The following ARHGAP28 variants were observed in gnomAD, a reference collection of about 807,000 sequenced individuals.
ARHGAP28 encodes rho GTPase-activating protein 28.
ARHGAP28 carries 56 observed loss-of-function variants against 90.7 expected under a neutral mutation model. The ratio of observed to expected loss-of-function variants is 0.62; its 90% confidence interval spans 0.50 to 0.77. The LOEUF (loss-of-function observed/expected upper bound fraction) is 0.77, where lower values mean the gene tolerates loss of function less well. Ranked by LOEUF, ARHGAP28 falls within the 30% of genes least tolerant of loss-of-function variation. The probability of loss-of-function intolerance (pLI) is 0.00; values close to 1 mark genes in which losing one functional copy is unlikely to be tolerated. For missense variants in ARHGAP28, 869 were observed against 900.9 expected (o/e 0.96, Z 0.45); for synonymous variants, 308 against 323.3 (o/e 0.95, Z 0.51).
chr18:6,875,212 T>C (rs190921993), intron 9 of ARHGAP28, among the ~76,000 whole-genome samples: 139 of 152,346 alleles, frequency 9.1e-4, no homozygotes, highest in African/African-American at 3.2e-3. Flanking sequence ...TTATATCATA[T>C]TGGCAACATG....
rs369994285 is a variant in ARHGAP28 at position 6,898,472 on chromosome 18, A to G, written c.2030+1846A>G. 19 of 1,613,808 alleles carry G rather than the reference A, an allele frequency of 1.2e-5. No individual in the cohort carries two copies. In the African/African-American group the frequency reaches 2.3e-4, roughly 19 times the overall value. On this transcript the variant is annotated intron_variant, in intron 16 of 17. Coordinates refer to ENST00000383472, the MANE Select transcript of ARHGAP28 (RefSeq NM_001366230.1). ...GGCAGCGAGCTGCACTTTCCTTCCT[A>G]AATGGAAAATGGGTTAAAAAAGAAA...
At chr18:6,737,871 G>T (rs1309495504) in intron 1 of ARHGAP28, among the ~76,000 whole-genome samples, 1 of 152,132 alleles carries the variant, frequency 6.6e-6, no homozygotes, top group Non-Finnish European at 1.5e-5. Context: ...CATTCTTTGA[G>T]TATCAAATGT....
intron 2 of ARHGAP28, among the ~76,000 whole-genome samples, chr18:6,826,411 C>T (rs2056663477): frequency 6.7e-6 from 1 of 150,372 alleles, no homozygotes; most frequent in South Asian, 2.1e-4. Context: ...TGAATATTTT[C>T]TCCCATACTC....
rs769723802 is a variant in ARHGAP28, at chr18:6,868,250, C to T, written c.811+16C>T. 2 of 1,610,214 alleles carry T rather than the reference C, an allele frequency of 1.2e-6. No homozygotes were observed. Among genetic ancestry groups the T allele is most frequent in the Non-Finnish European group, 1.7e-6 (2 of 1,176,526 alleles). ...GCGATAAGTGGTGAGCGGCATGCCTCCTGTTGAACTTCAGCTGTGTCTTCT... is the reference window on the plus strand; with the variant it reads ...GCGATAAGTGGTGAGCGGCATGCCTTCTGTTGAACTTCAGCTGTGTCTTCT... On this transcript the variant is annotated intron_variant, in intron 6 of 17. Coordinates refer to ENST00000383472, the MANE Select transcript of ARHGAP28 (RefSeq NM_001366230.1).
At chr18:6,845,158 A>T (rs1329402934) in intron 3 of ARHGAP28, among the ~76,000 whole-genome samples, 1 of 152,174 alleles carries the variant, frequency 6.6e-6, no homozygotes, top group Non-Finnish European at 1.5e-5. Flanking sequence ...AGCTCGCTGT[A>T]ACCTGGAACT....
intron 3 of ARHGAP28, among the ~76,000 whole-genome samples, chr18:6,848,099 G>A (rs2056880729): frequency 6.6e-6 from 1 of 152,164 alleles, no homozygotes; most frequent in South Asian, 2.1e-4. Flanking sequence ...CAGGTGTTCA[G>A]TATAAGTCAT....
In ARHGAP28 at chr18:6,730,219, G is replaced by GTATATATATA. The variant is rs374482561; in HGVS notation, c.122+277_122+278insATATATATAT. 2.9e-3 allele frequency: 453 copies of GTATATATATA among 158,760 alleles called. 28 individuals carry two copies. Among genetic ancestry groups the GTATATATATA allele is most frequent in the African/African-American group, 0.011 (352 of 30,842 alleles). The allele number at this position is 158,760 out of a possible 1,614,324, so 9.8% of individuals were successfully genotyped here. On this transcript the variant is annotated intron_variant, in intron 1 of 17. Transcript: ENST00000383472. ...TTGATACGATTTGAGGATAAGTCAT[G>GTATATATATA]TGTATATATATATATATACCTCATT...
chr18:6,891,856 G>A (rs961420154), intron 14 of ARHGAP28, among the ~76,000 whole-genome samples: 1 of 152,170 alleles, frequency 6.6e-6, no homozygotes, highest in Non-Finnish European at 1.5e-5. Context: ...GCCTCCCAAA[G>A]TGCTGGGATT....
chr18:6,753,486 A>C (rs1013856411), intron 1 of ARHGAP28, among the ~76,000 whole-genome samples: 1 of 152,196 alleles, frequency 6.6e-6, no homozygotes, highest in African/African-American at 2.4e-5. Flanking sequence ...ATGCAATCTT[A>C]TGATTTACTC....
At chr18:6,843,314 G>A (rs1026877535) in intron 3 of ARHGAP28, among the ~76,000 whole-genome samples, 1 of 152,084 alleles carries the variant, frequency 6.6e-6, no homozygotes. Context: ...TCAGTGTCTG[G>A]AAGGGAAGGG....
Position 6,896,576 on chromosome 18 carries a change from CA to C in ARHGAP28, c.1982del (p.Asn661IlefsTer38). 1.2e-6 allele frequency: 2 copies of C among 1,614,156 alleles called. No individual in the cohort carries two copies. Among genetic ancestry groups the C allele is most frequent in the Non-Finnish European group, 8.5e-7 (1 of 1,180,024 alleles). On this transcript the variant is annotated frameshift_variant, in exon 16 of 18. Transcript: ENST00000383472. LOFTEE classifies it high-confidence loss of function. Reference sequence around the variant, plus strand: ...AGGTGTCCATGGCCATTCAACTCAACAATCAAACCAAAGCCAAAGACATATT... The same window carrying C: ...AGGTGTCCATGGCCATTCAACTCAACATCAAACCAAAGCCAAAGACATATT... ...SKVSMAIQLNNQTKAKDILAK... is the reference protein window; with the variant it reads ...SKVSMAIQLNXQTKAKDILAK...
Position 6,900,639 on chromosome 18 carries a change from GA to G in ARHGAP28, c.2030+4023del, listed in dbSNP as rs1007376673. 2.0e-4 allele frequency among the ~76,000 whole-genome samples: 29 copies of G among 148,302 alleles called. No individual in the cohort carries two copies. The East Asian group carries it at 2.2e-3, about 11-fold the overall frequency. Reference sequence around the variant, plus strand: ...TGAACAACAGAGAGGAAATAAACCGGAAAAAAAAAATGAACACAGCCTCAGG... The same window carrying G: ...TGAACAACAGAGAGGAAATAAACCGGAAAAAAAAATGAACACAGCCTCAGG... On this transcript the variant is annotated intron_variant, in intron 16 of 17. Coordinates refer to ENST00000383472, the MANE Select transcript of ARHGAP28 (RefSeq NM_001366230.1).
In ARHGAP28 at chr18:6,796,638, G is replaced by A. The variant is rs2056444094; in HGVS notation, c.123-28124G>A. Among the ~76,000 whole-genome samples, 4 of 151,668 alleles carry A rather than the reference G, an allele frequency of 2.6e-5. No homozygotes were observed. The Admixed American group carries it at 2.6e-4, about 10-fold the overall frequency. ...TCTTTTCTTTCCTCTCTGAATTGTA[G>A]GTTCAGCTTTGTTGTTATTTTCCAA... On this transcript the variant is annotated intron_variant, in intron 1 of 17. Transcript: ENST00000383472.
At position 6,839,443 on chromosome 18, in the gene ARHGAP28, G is replaced by A. The variant is rs567548048; in HGVS notation, c.543+2029G>A. 5.4e-3 allele frequency among the ~76,000 whole-genome samples: 821 copies of A among 152,120 alleles called. 6 individuals are homozygous for A. The highest frequency in any genetic ancestry group is 0.017 in the African/African-American group (715 of 41,494). On this transcript the variant is annotated intron_variant, in intron 3 of 17. Coordinates refer to ENST00000383472, the MANE Select transcript of ARHGAP28 (RefSeq NM_001366230.1). The stretch of plus-strand genomic sequence containing the variant: ...CGAGTAACTGGGACTATAGGCGCCA[G>A]CCACCACGCCTGGCTAATTTTGTTT...
intron 1 of ARHGAP28, among the ~76,000 whole-genome samples, chr18:6,817,676 T>G (rs1838166908): frequency 6.6e-6 from 1 of 152,166 alleles, no homozygotes; most frequent in South Asian, 2.1e-4. Flanking sequence ...ATTTCTTGGC[T>G]TTTCTCTCAT....
chr18:6,761,302 G>T (rs997633965), intron 1 of ARHGAP28, among the ~76,000 whole-genome samples: 2 of 152,096 alleles, frequency 1.3e-5, no homozygotes, highest in Admixed American at 6.6e-5. Flanking sequence ...CTTATGGTTT[G>T]TTCTGTTTTC....
Position 6,802,237 on chromosome 18 carries a change from T to C in ARHGAP28, c.123-22525T>C, listed in dbSNP as rs540613108. On this transcript the variant is annotated intron_variant, in intron 1 of 17. Transcript: ENST00000383472. ...AAACATGAAAGTATTACAATAAACA[T>C]GAGAGTGCAAATATCCCTTTGATAT... is the stretch of plus-strand genomic sequence containing the variant. Among the ~76,000 whole-genome samples the C allele has an allele frequency of 4.0e-5, 6 of 151,862 alleles. No homozygotes were observed. The South Asian group carries it at 6.2e-4, about 16-fold the overall frequency.
intron 10 of ARHGAP28, among the ~76,000 whole-genome samples, chr18:6,877,975 CAT>C (rs887175260): frequency 1.3e-5 from 2 of 150,748 alleles, no homozygotes; most frequent in African/African-American, 2.4e-5. Flanking sequence ...TGTGTATGTG[CAT>C]GTGTGTGTGT....
intron 1 of ARHGAP28, among the ~76,000 whole-genome samples, chr18:6,799,038 G>A (rs1156255834): frequency 1.3e-5 from 2 of 152,166 alleles, no homozygotes; most frequent in African/African-American, 4.8e-5. Context: ...AAGATGATAA[G>A]TGGTATGTGT....
Sources: allele counts gnomAD v4.1 joint callset (sites outside exome capture counted in the v4.1 genomes callset), GRCh38; gene constraint gnomAD v4.1.1; transcripts MANE v1.5; gene names NCBI Gene and HGNC (gene_info 2026-07-23, HGNC 2026-07-21).